ZNF2: variants seen among roughly 807,000 people sequenced by gnomAD.
ZNF2 encodes the protein zinc finger protein 2.
ZNF2 carries 12 observed loss-of-function variants against 21.9 expected under a neutral mutation model. The ratio of observed to expected loss-of-function variants is 0.55; its 90% CI spans 0.35 to 0.89. The LOEUF (loss-of-function observed/expected upper bound fraction) is 0.89. Ranked by LOEUF, ZNF2 falls within the 40% of genes least tolerant of loss-of-function variation. The pLI, the probability that ZNF2 is intolerant of heterozygous loss-of-function variation, is 0.01. For synonymous variants in ZNF2, 186 were observed against 196.3 expected, an observed-to-expected ratio of 0.95 and a Z score of 0.44; for missense variants, 462 against 544.2, an observed-to-expected ratio of 0.85 and a Z score of 1.50.
chr2:95,166,034 C>T (rs1334455617), intron 1 of ZNF2, among the ~76,000 whole-genome samples, 174 bp downstream of exon 1: 4 of 152,034 alleles, frequency 2.6e-5, no homozygotes, highest in East Asian at 1.9e-4. Context: ...GTGCATCCAC[C>T]CCCGTGTGTG....
intron 1 of ZNF2, among the ~76,000 whole-genome samples, chr2:95,166,666 G>A (rs567633783): frequency 6.6e-6 from 1 of 152,300 alleles, no homozygotes; most frequent in African/African-American, 2.4e-5. Context: ...GTAGTGAAAG[G>A]GAAGGATACA....
chr2:95,178,867 G>T (rs564590663), intron 3 of ZNF2, among the ~76,000 whole-genome samples: 1 of 151,826 alleles, frequency 6.6e-6, no homozygotes, highest in East Asian at 1.9e-4. Context: ...GTCATATCCC[G>T]TAGCCATTAC....
intron 3 of ZNF2, among the ~76,000 whole-genome samples, chr2:95,178,541 T>TAAA (rs1252959251): frequency 6.6e-6 from 1 of 152,134 alleles, no homozygotes; most frequent in African/African-American, 2.4e-5. Context: ...GGTGTGGCCG[T>TAAA]TTTGTCAACA....
At chr2:95,179,436 G>T (rs1391105090) in intron 3 of ZNF2, among the ~76,000 whole-genome samples, 1 of 152,216 alleles carries the variant, frequency 6.6e-6, no homozygotes, top group Non-Finnish European at 1.5e-5. Flanking sequence ...GGACAGACTT[G>T]TTTCAATGAA....
chr2:95,174,563 A>C (rs1674379824), intron 1 of ZNF2, among the ~76,000 whole-genome samples: 1 of 152,132 alleles, frequency 6.6e-6, no homozygotes, highest in South Asian at 2.1e-4. Flanking sequence ...TTTTTTTCTC[A>C]AGATTTAGAA....
intron 1 of ZNF2, among the ~76,000 whole-genome samples, chr2:95,166,447 C>G (rs759318875): frequency 3.0e-4 from 46 of 151,956 alleles, no homozygotes; most frequent in Non-Finnish European, 6.2e-4. Context: ...AGCCAGGGCC[C>G]GGGACTCAGA....
rs1674702912 is a variant in ZNF2 at position 95,182,248 on chromosome 2, G to A, written c.*142G>A. ...GCTTCTGCGCCAGAGTGTTTAATAA[G>A]CACTCCCTTCCTGCTGTGTTATAGA... On this transcript the variant is annotated 3_prime_UTR_variant, in exon 5 of 5. Coordinates refer to ENST00000614034, the MANE Select transcript of ZNF2 (RefSeq NM_021088.4). 7 of 1,030,942 alleles carry A rather than the reference G, an allele frequency of 6.8e-6. No individual in the cohort carries two copies. The highest frequency in any genetic ancestry group is 8.3e-6 in the Non-Finnish European group (6 of 721,286). 63.9% of individuals were successfully genotyped at this position (1,030,942 alleles called of 1,614,324 possible).
chr2:95,180,356 T>G, intron 4 of ZNF2, 84 bp downstream of exon 4: 1 of 866,302 alleles, frequency 1.2e-6, no homozygotes, highest in Non-Finnish European at 1.8e-6. Context: ...GGTATCATCT[T>G]TCTCTCAAAT....
At chr2:95,174,137 T>G (rs1311496819) in intron 1 of ZNF2, among the ~76,000 whole-genome samples, 1 of 152,216 alleles carries the variant, frequency 6.6e-6, no homozygotes, top group Non-Finnish European at 1.5e-5. Flanking sequence ...AGATAATACA[T>G]ATAAAGTGCT....
At chr2:95,167,641 A>G (rs1196554680) in intron 1 of ZNF2, among the ~76,000 whole-genome samples, 1 of 151,858 alleles carries the variant, frequency 6.6e-6, no homozygotes, top group Non-Finnish European at 1.5e-5. Context: ...TGACGTCAGG[A>G]GTTCAAGACC....
At chr2:95,172,860 C>T (rs1398633097) in intron 1 of ZNF2, among the ~76,000 whole-genome samples, 1 of 151,826 alleles carries the variant, frequency 6.6e-6, no homozygotes, top group Non-Finnish European at 1.5e-5. Context: ...TGGTCTTGAA[C>T]TCCTAACCTC....
chr2:95,176,398 T>C (rs1378994900), intron 2 of ZNF2, 139 bp downstream of exon 2: 5 of 1,043,874 alleles, frequency 4.8e-6, no homozygotes, highest in African/African-American at 1.6e-5. Context: ...TCTTTCCTAT[T>C]TGACTTGAGG....
At chr2:95,172,547 ATG>A (rs1454009091) in intron 1 of ZNF2, among the ~76,000 whole-genome samples, 1 of 151,870 alleles carries the variant, frequency 6.6e-6, no homozygotes, top group East Asian at 1.9e-4. Flanking sequence ...ACATTTTATT[ATG>A]TGTTTTTCCT....
intron 1 of ZNF2, among the ~76,000 whole-genome samples, chr2:95,167,847 CAAA>C (rs113305303): frequency 1.6e-4 from 11 of 67,406 alleles, no homozygotes; most frequent in African/African-American, 4.7e-4. Context: ...AATTCCGTCT[CAAA>C]AAAAAAAAAA....
At chr2:95,167,428 C>T (rs1674108022) in intron 1 of ZNF2, among the ~76,000 whole-genome samples, 1 of 150,998 alleles carries the variant, frequency 6.6e-6, no homozygotes, top group African/African-American at 2.4e-5. Flanking sequence ...ATGGCATGAA[C>T]CCGGCAGGCG....
At chr2:95,168,168 T>G (rs1674148474) in intron 1 of ZNF2, among the ~76,000 whole-genome samples, 1 of 151,118 alleles carries the variant, frequency 6.6e-6, no homozygotes. Context: ...GGCTCATGCC[T>G]GTAATCCCAG....
intron 1 of ZNF2, 124 bp from the exon 2 acceptor site, chr2:95,176,064 C>T: frequency 1.2e-6 from 1 of 869,074 alleles, no homozygotes; most frequent in Admixed American, 1.7e-5. Flanking sequence ...TTACTTAGAC[C>T]CCCTTTTGTA....
At position 95,184,056 on chromosome 2, in the gene ZNF2, G is replaced by A. The variant is rs146234093; in HGVS notation, c.*1950G>A. 26 of 152,252 alleles carry A rather than the reference G, an allele frequency of 1.7e-4. No individual in the cohort carries two copies. In the East Asian group the frequency reaches 4.4e-3, roughly 26 times the overall value. 9.4% of individuals were successfully genotyped at this position (152,252 alleles called of 1,614,324 possible). A position where few individuals can be genotyped will look rare whatever the true frequency, so the allele number is the denominator to read the frequency against. ...GCTGTCTGGAATTAGATTGTCCTAC[G>A]TGATTCCCAGTGAATTGAGATGAAT... is the stretch of plus-strand genomic sequence containing the variant. On this transcript the variant is annotated 3_prime_UTR_variant, in exon 5 of 5. Coordinates refer to ENST00000614034, the MANE Select transcript of ZNF2 (RefSeq NM_021088.4).
At chr2:95,180,904 T>C (rs1293010317) in intron 4 of ZNF2, among the ~76,000 whole-genome samples, 199 bp from the exon 5 acceptor site, 1 of 152,218 alleles carries the variant, frequency 6.6e-6, no homozygotes, top group Non-Finnish European at 1.5e-5. Context: ...TCCTGTTTTC[T>C]GAGGTGTCCA....
Sources: gnomAD v4.1 joint callset for allele counts (sites outside exome capture counted in the v4.1 genomes callset) on GRCh38, gnomAD v4.1.1 for gene constraint, MANE v1.5 for transcripts, NCBI Gene and HGNC (gene_info 2026-07-23, HGNC 2026-07-21) for gene names.